Variants in EP400 observed in about 807,000 individuals in gnomAD.
The protein encoded by EP400 is E1A-binding protein p400.
EP400 carries 105 observed loss-of-function variants against 354.1 expected under a neutral mutation model. The observed-to-expected ratio is 0.30, with a 90% CI of 0.25 to 0.35. EP400 has a LOEUF of 0.35. EP400 is among the 10% of genes least tolerant of loss of function. The pLI is 1.00. For missense variants in EP400, 3,280 were observed against 4,121.0 expected (o/e 0.80, Z 5.59); for synonymous variants, 1,646 against 1,716.9 (o/e 0.96, Z 1.02).
intron 5 of EP400, 127 bp from the exon 6 acceptor site, chr12:131,986,386 CT>C: frequency 2.4e-6 from 2 of 848,430 alleles, no homozygotes; most frequent in Non-Finnish European, 3.7e-6. Context: ...GATTTGTCTG[CT>C]TGCATCGTGG....
rs1593324353 is a variant in EP400, at chr12:131,982,551, T to C, written c.1929+73T>C. ...CTGGCTACCTGTGTGTTAGACAGAG[T>C]GTCACACCACACTGTAATTTGTGTA... On this transcript the variant is annotated intron_variant, in intron 5 of 52. Transcript: ENST00000389561. 9 of 1,509,148 alleles carry C rather than the reference T, an allele frequency of 6.0e-6. No individual in the cohort carries two copies. In the South Asian group the frequency reaches 6.5e-5, roughly 11 times the overall value. The allele number at this position is 1,509,148 out of a possible 1,614,324, so 93.5% of individuals were successfully genotyped here. A position where few individuals can be genotyped will look rare whatever the true frequency, so the allele number is the denominator to read the frequency against.
At position 131,972,649 on chromosome 12, in the gene EP400, C is replaced by G. The variant is rs12313175; in HGVS notation, c.1336-7045C>G. ...TTATAAAAAGATAAAAAGAACCGTT[C>G]TAAGCAGAAATTTTTCATCATTTTC... On this transcript the variant is annotated intron_variant, in intron 2 of 52. Transcript: ENST00000389561. 5.4e-5 allele frequency among the ~76,000 whole-genome samples: 8 copies of G among 149,530 alleles called. No homozygotes were observed. The East Asian group carries it at 1.4e-3, about 26-fold the overall frequency.
chr12:132,055,766 G>A (rs550961350), intron 45 of EP400, among the ~76,000 whole-genome samples: 8 of 151,732 alleles, frequency 5.3e-5, no homozygotes, highest in Non-Finnish European at 1.2e-4. Context: ...GTGTGTGTGT[G>A]TGTGTGAACT....
At chr12:132,066,751 C>T in intron 48 of EP400, 23 bp from the exon 49 acceptor site, 1 of 1,606,018 alleles carries the variant, frequency 6.2e-7, no homozygotes. Flanking sequence ...TCTCTGGACT[C>T]TCCCATTATT....
Position 131,985,537 on chromosome 12 carries a change from G to C in EP400, c.1930-977G>C, listed in dbSNP as rs557234733. 1.7e-3 allele frequency among the ~76,000 whole-genome samples: 253 copies of C among 152,226 alleles called. 1 individual carries two copies. Among genetic ancestry groups the C allele is most frequent in the Admixed American group, 4.6e-3 (71 of 15,280 alleles). ...ACTCAGCCCACCTTCCCTGCTCTCT[G>C]TGAATTTAAGTCACAGAGTCGCAGC... is the stretch of plus-strand genomic sequence containing the variant. On this transcript the variant is annotated intron_variant, in intron 5 of 52. Transcript: ENST00000389561.
intron 29 of EP400, among the ~76,000 whole-genome samples, chr12:132,030,982 A>G (rs1894469981): frequency 6.6e-6 from 1 of 152,232 alleles, no homozygotes. Flanking sequence ...TTTATCTCAC[A>G]CACACGCTCA....
intron 19 of EP400, 141 bp downstream of exon 19, chr12:132,014,054 G>A (rs968267415): frequency 2.6e-6 from 3 of 1,142,258 alleles, no homozygotes; most frequent in African/African-American, 3.1e-5. Context: ...CCTCCTGGGG[G>A]CAGCAGGCTC....
At chr12:132,024,803 C>A (rs979723818) in intron 24 of EP400, among the ~76,000 whole-genome samples, 1 of 151,596 alleles carries the variant, frequency 6.6e-6, no homozygotes, top group Non-Finnish European at 1.5e-5. Flanking sequence ...GCTGCCTCCC[C>A]GCCACCCCCC....
rs1322519369 is a variant in EP400, at chr12:132,070,382, G to A, written c.9021+741G>A. Reference sequence around the variant, plus strand: ...TAAAAGCCCAATTCTGTCATCCATCGATCCACAGTGCCGCCTCCACCTGAG... The same window carrying A: ...TAAAAGCCCAATTCTGTCATCCATCAATCCACAGTGCCGCCTCCACCTGAG... On this transcript the variant is annotated intron_variant, in intron 51 of 52. Coordinates refer to ENST00000389561, the MANE Select transcript of EP400 (RefSeq NM_015409.5). This position sits in a 1 kb window ranked among gnomAD's most constrained non-coding sequence, Gnocchi z 4.1. 6.6e-6 allele frequency among the ~76,000 whole-genome samples: 1 copy of A among 152,168 alleles called. No individual in the cohort carries two copies. Among genetic ancestry groups the A allele is most frequent in the African/African-American group, 2.4e-5 (1 of 41,434 alleles).
chr12:131,951,989 T>C (rs1240435842), intron 1 of EP400, among the ~76,000 whole-genome samples: 6 of 151,882 alleles, frequency 4.0e-5, no homozygotes, highest in African/African-American at 1.4e-4. Flanking sequence ...TTTCAACATG[T>C]TGGCCAGGCT....
chr12:131,969,062 T>C (rs1017606346), intron 2 of EP400, among the ~76,000 whole-genome samples: 1 of 149,636 alleles, frequency 6.7e-6, no homozygotes, highest in Non-Finnish European at 1.5e-5. Flanking sequence ...TTTTTTATCG[T>C]ATTGGCAAGG....
At chr12:131,987,943 G>C in intron 7 of EP400, 53 bp downstream of exon 7, 2 of 1,279,884 alleles carry the variant, frequency 1.6e-6, no homozygotes, top group Admixed American at 4.9e-5. Context: ...GGGGGCTTGA[G>C]TTTGCAGTGG....
intron 23 of EP400, among the ~76,000 whole-genome samples, chr12:132,023,054 G>A (rs531660532): frequency 9.2e-5 from 14 of 151,748 alleles, no homozygotes; most frequent in Non-Finnish European, 2.1e-4. Context: ...AAATTGGACA[G>A]GTACTTTTCA....
chr12:132,054,889 T>TA lies in EP400; in HGVS notation c.7729-85_7729-84insA. ...TGAATGTCGTGGAGTTTGGATTTGA[T>TA]TCTGAATGAAGTGGAAGCCTTTGGA... On this transcript the variant is annotated intron_variant, in intron 43 of 52. Coordinates refer to ENST00000389561, the MANE Select transcript of EP400 (RefSeq NM_015409.5). The surrounding 1 kb of genome is among the most constrained non-coding windows in gnomAD (Gnocchi z 4.0). The TA allele has an allele frequency of 7.2e-7, 1 of 1,391,470 alleles. No homozygotes were observed. Among genetic ancestry groups the TA allele is most frequent in the South Asian group, 1.2e-5 (1 of 85,032 alleles). The allele number at this position is 1,391,470 out of a possible 1,614,324, so 86.2% of individuals were successfully genotyped here. A position where few individuals can be genotyped will look rare whatever the true frequency, so the allele number is the denominator to read the frequency against.
Position 132,070,061 on chromosome 12 carries a change from C to G in EP400, c.9021+420C>G, listed in dbSNP as rs181242007. Among the ~76,000 whole-genome samples the G allele has an allele frequency of 1.3e-5, 2 of 152,184 alleles. No individual in the cohort carries two copies. The highest frequency in any genetic ancestry group is 4.8e-5 in the African/African-American group (2 of 41,498). On this transcript the variant is annotated intron_variant, in intron 51 of 52. Transcript: ENST00000389561. This position sits in a 1 kb window ranked among gnomAD's most constrained non-coding sequence, Gnocchi z 4.1. Reference sequence around the variant, plus strand: ...CCTGATTTCATGTGTGCAGTGTGCCCTCCCGTCTTCCTCTCTGCCTAGAGC... The same window carrying G: ...CCTGATTTCATGTGTGCAGTGTGCCGTCCCGTCTTCCTCTCTGCCTAGAGC...
chr12:132,026,296 C>G (rs950831079), intron 25 of EP400, among the ~76,000 whole-genome samples: 1 of 152,174 alleles, frequency 6.6e-6, no homozygotes, highest in African/African-American at 2.4e-5. Context: ...CCTCTGGAAC[C>G]CAGAGACCCG....
At position 132,053,465 on chromosome 12, in the gene EP400, C is replaced by T. The variant is rs1375994701; in HGVS notation, c.7596C>T (p.Gly2532=). ...CGCTGCCACAACCACAGGCAGCGGG[C>T]AGCCAGCCGCCAGCAGGGCCACCAG... ...PPPLPQPQAA[G]SQPPAGPPAV... Residue 2532 remains glycine, a synonymous_variant, in exon 43 of 53, where the codon GGC becomes GGT. Coordinates refer to ENST00000389561, the MANE Select transcript of EP400 (RefSeq NM_015409.5). 5 of 1,526,116 alleles carry T rather than the reference C, an allele frequency of 3.3e-6. No homozygotes were observed. Among genetic ancestry groups the T allele is most frequent in the Middle Eastern group, 2.2e-4 (1 of 4,536 alleles). The allele number at this position is 1,526,116 out of a possible 1,614,324, so 94.5% of individuals were successfully genotyped here. A position where few individuals can be genotyped will look rare whatever the true frequency, so the allele number is the denominator to read the frequency against.
In EP400 at chr12:132,013,236, C is replaced by A; in HGVS notation, c.3611+58C>A. On this transcript the variant is annotated intron_variant, in intron 17 of 52. Coordinates refer to ENST00000389561, the MANE Select transcript of EP400 (RefSeq NM_015409.5). The surrounding 1 kb of genome is among the most constrained non-coding windows in gnomAD (Gnocchi z 4.5). ...CTTTGCTGTTGATGTAGAAGATTCT[C>A]TTGAAGAAATCTGCATAATTGCAGA... 6.5e-7 allele frequency: 1 copy of A among 1,543,896 alleles called. No individual in the cohort carries two copies. The highest frequency in any genetic ancestry group is 1.2e-5 in the South Asian group (1 of 81,746).
intron 2 of EP400, 132 bp downstream of exon 2, chr12:131,962,086 T>C: frequency 3.2e-6 from 4 of 1,233,650 alleles, no homozygotes; most frequent in Non-Finnish European, 3.3e-6. Flanking sequence ...GGGCAAGGAT[T>C]TGACCCATAA....
Sources: allele counts gnomAD v4.1 joint callset (sites outside exome capture counted in the v4.1 genomes callset), GRCh38; gene constraint gnomAD v4.1.1; non-coding constraint Gnocchi (gnomAD v3.1); transcripts MANE v1.5; gene names NCBI Gene and HGNC (gene_info 2026-07-23, HGNC 2026-07-21).